The following CLASP2 variants were observed in gnomAD, a reference collection of about 807,000 sequenced individuals.
The protein encoded by CLASP2 is CLIP-associating protein 2.
A neutral mutation model predicts 194.4 loss-of-function variants in CLASP2; 47 were observed. The observed-to-expected ratio is 0.24, with a 90% confidence interval of 0.19 to 0.31. CLASP2 has a LOEUF of 0.31. Among genes scored for constraint, CLASP2 ranks in the 10% least tolerant of loss-of-function variants. CLASP2 has a pLI of 1.00. For synonymous variants in CLASP2, 619 were observed against 633.5 expected (o/e 0.98, Z 0.34); for missense variants, 1,445 against 1,823.6 (o/e 0.79, Z 3.78).
At position 33,562,281 on chromosome 3, in the gene CLASP2, T is replaced by C. The variant is rs557892607; in HGVS notation, c.2767-1310A>G. 8.5e-5 allele frequency among the ~76,000 whole-genome samples: 13 copies of C among 152,260 alleles called. No homozygotes were observed. In the South Asian group the frequency reaches 2.7e-3, roughly 32 times the overall value. Reference sequence around the variant, plus strand: ...AACTCTCATTCCACCACTACCCCCATAATCCCCCAAGAACTTGGATTCTCT... The same window carrying C: ...AACTCTCATTCCACCACTACCCCCACAATCCCCCAAGAACTTGGATTCTCT... On this transcript the variant is annotated intron_variant, in intron 27 of 38. Coordinates refer to ENST00000682230, the MANE Select transcript of CLASP2 (RefSeq NM_001365631.1).
At chr3:33,662,351 T>C (rs777999612) in intron 7 of CLASP2, among the ~76,000 whole-genome samples, 9 of 152,192 alleles carry the variant, frequency 5.9e-5, no homozygotes, top group Non-Finnish European at 8.8e-5. Flanking sequence ...GTCAAATCTC[T>C]TCCTACTGTT....
At chr3:33,568,518 C>T (rs928479895) in intron 26 of CLASP2, among the ~76,000 whole-genome samples, 5 of 130,040 alleles carry the variant, frequency 3.8e-5, no homozygotes, top group Non-Finnish European at 6.2e-5. Context: ...CATGCCACTG[C>T]ACTCCAGCCT....
chr3:33,615,838 A>T (rs1427227717), intron 12 of CLASP2, among the ~76,000 whole-genome samples: 1 of 152,132 alleles, frequency 6.6e-6, no homozygotes, highest in Non-Finnish European at 1.5e-5. Flanking sequence ...TGAAAATATT[A>T]TTATGTAATT....
In CLASP2 at chr3:33,544,579, C is replaced by T. The variant is rs188202606; in HGVS notation, c.3297+119G>A. ...ATTTAATTCTGCTCAGGAAATGCTG[C>T]CAAATAAAGATGCAAAAATTATATA... On this transcript the variant is annotated intron_variant, in intron 31 of 38. Coordinates refer to ENST00000682230, the MANE Select transcript of CLASP2 (RefSeq NM_001365631.1). 45 of 899,632 alleles carry T rather than the reference C, an allele frequency of 5.0e-5. No homozygotes were observed. The East Asian group carries it at 1.2e-3, about 24-fold the overall frequency. 55.7% of individuals were successfully genotyped at this position (899,632 alleles called of 1,614,324 possible).
chr3:33,717,908 A>C lies in CLASP2; in HGVS notation c.95T>G (p.Leu32Arg). ...GTCCGAGATGGCGCCGGGGGCGCCA[A>C]GGTAGAGCAGGAGCTCCTGGCCGAC... is the stretch of plus-strand genomic sequence containing the variant. The part of the protein sequence containing the change: ...LQVGQELLLY[L>R]GAPGAISDLE... Residue 32 changes from leucine (L) to arginine (R), a missense_variant, in exon 1 of 39, where the codon CTT becomes CGT. Leu to Arg is a moderately radical substitution (Grantham distance 102). Coordinates refer to ENST00000682230, the MANE Select transcript of CLASP2 (RefSeq NM_001365631.1). The C allele has an allele frequency of 6.4e-7, 1 of 1,553,652 alleles. No homozygotes were observed. The highest frequency in any genetic ancestry group is 1.2e-5 in the South Asian group (1 of 84,332).
At chr3:33,659,582 C>T (rs1168612760) in intron 7 of CLASP2, 2 of 195,488 alleles carry the variant, frequency 1.0e-5, no homozygotes, top group East Asian at 3.7e-4. Flanking sequence ...TAACTGCTCT[C>T]ATTATGCAGG....
At chr3:33,544,178 C>T (rs1285720290) in intron 31 of CLASP2, among the ~76,000 whole-genome samples, 10 of 152,150 alleles carry the variant, frequency 6.6e-5, no homozygotes, top group Admixed American at 6.6e-4. Context: ...CACAAACACA[C>T]AAATATACAT....
At chr3:33,692,310 G>C (rs1363262593) in intron 2 of CLASP2, among the ~76,000 whole-genome samples, 2 of 152,132 alleles carry the variant, frequency 1.3e-5, no homozygotes, top group South Asian at 2.1e-4. Context: ...AATGGAAAAA[G>C]AAAAGACACT....
chr3:33,592,587 G>A, intron 20 of CLASP2, 91 bp from the exon 21 acceptor site: 3 of 950,226 alleles, frequency 3.2e-6, no homozygotes, highest in South Asian at 2.8e-5. Flanking sequence ...TTTAGGTACT[G>A]CCAAATTCTG....
At chr3:33,498,837 T>C (rs6782108) in intron 38 of CLASP2, 120 bp from the exon 39 acceptor site, 160,893 of 462,552 alleles carry the variant, frequency 0.35, 29,173 homozygotes, top group Admixed American at 0.5. Context: ...CTGGGGGTTA[T>C]TATAATGCCC....
intron 3 of CLASP2, among the ~76,000 whole-genome samples, chr3:33,689,139 C>A (rs2091052093): frequency 6.6e-6 from 1 of 151,556 alleles, no homozygotes; most frequent in African/African-American, 2.4e-5. Flanking sequence ...ATTTCTCTCT[C>A]CCTACCAAAC....
Position 33,576,358 on chromosome 3 carries a change from A to G in CLASP2, c.2348-83T>C. The G allele has an allele frequency of 3.0e-6, 3 of 1,005,062 alleles. No homozygotes were observed. In the South Asian group the frequency reaches 4.8e-5, roughly 16 times the overall value. The allele number at this position is 1,005,062 out of a possible 1,614,324, so 62.3% of individuals were successfully genotyped here. ...GGTTGGGAAACTTTAAGACCTTTACAGGGGAAGGAAAAAAAACCAATGGGG... is the reference window on the plus strand; with the variant it reads ...GGTTGGGAAACTTTAAGACCTTTACGGGGGAAGGAAAAAAAACCAATGGGG... On this transcript the variant is annotated intron_variant, in intron 23 of 38. Transcript: ENST00000682230.
At chr3:33,574,335 T>C in intron 24 of CLASP2, 1 of 577,638 alleles carries the variant, frequency 1.7e-6, no homozygotes, top group Non-Finnish European at 3.0e-6. Flanking sequence ...TCGATAACCA[T>C]ATTTACAGAA....
chr3:33,663,597 T>G lies in CLASP2; in HGVS notation c.645-82A>C, dbSNP rs1333928355. The G allele has an allele frequency of 3.1e-6, 3 of 976,982 alleles. No homozygotes were observed. In the East Asian group the frequency reaches 7.6e-5, roughly 25 times the overall value. The allele number at this position is 976,982 out of a possible 1,614,324, so 60.5% of individuals were successfully genotyped here. Reference sequence around the variant, plus strand: ...AGAAACAATTTCCTTCACCATTCCCTTAGAAAAAACAATTGTAGGGATTCA... The same window carrying G: ...AGAAACAATTTCCTTCACCATTCCCGTAGAAAAAACAATTGTAGGGATTCA... On this transcript the variant is annotated intron_variant, in intron 6 of 38. Transcript: ENST00000682230.
intron 23 of CLASP2, chr3:33,577,051 G>T: frequency 1.8e-6 from 1 of 548,714 alleles, no homozygotes; most frequent in Non-Finnish European, 2.8e-6. Flanking sequence ...ACGTTACTTG[G>T]GAGAAAAGAA....
At chr3:33,662,330 T>C (rs1319955030) in intron 7 of CLASP2, among the ~76,000 whole-genome samples, 1 of 152,222 alleles carries the variant, frequency 6.6e-6, no homozygotes, top group African/African-American at 2.4e-5. Context: ...ACACACAAGT[T>C]CAAGCATCTT....
At chr3:33,662,874 G>A (rs1161587231) in intron 7 of CLASP2, among the ~76,000 whole-genome samples, 1 of 151,944 alleles carries the variant, frequency 6.6e-6, no homozygotes, top group Non-Finnish European at 1.5e-5. Context: ...TTACAAAAAG[G>A]AGAGGAACCA....
chr3:33,574,533 A>G (rs1179379019), intron 24 of CLASP2: 26 of 1,326,416 alleles, frequency 2.0e-5, no homozygotes, highest in Non-Finnish European at 2.5e-5. Flanking sequence ...AAAATTGAAA[A>G]TAATGAAGAA....
Position 33,516,029 on chromosome 3 carries a change from A to C in CLASP2, c.4104T>G (p.His1368Gln). The C allele has an allele frequency of 6.2e-7, 1 of 1,609,840 alleles. No homozygotes were observed. Among genetic ancestry groups the C allele is most frequent in the Admixed American group, 1.7e-5 (1 of 59,402 alleles). ...MKTLEAHKDP[H>Q]KEVVRSAEEA... ...TACCGGCCAGGTAACTTACCTCCTT[A>C]TGAGGATCTTTATGTGCTTCCAATG... Residue 1368 changes from histidine (H) to glutamine (Q), a missense_variant, in exon 36 of 39, where the codon CAT (histidine) becomes CAG (glutamine). By Grantham distance (24) the His-to-Gln change is conservative (BLOSUM62 0). Transcript: ENST00000682230.
Sources: gnomAD v4.1 joint callset for allele counts (sites outside exome capture counted in the v4.1 genomes callset) on GRCh38, gnomAD v4.1.1 for gene constraint, MANE v1.5 for transcripts, NCBI Gene and HGNC (gene_info 2026-07-23, HGNC 2026-07-21) for gene names.